Variants in MGA observed in about 807,000 individuals in gnomAD.
MGA encodes MAX gene-associated protein.
MGA carries 40 observed loss-of-function variants against 261.1 expected under a neutral mutation model. That is an observed-to-expected ratio of 0.15 (90% CI 0.12 to 0.20). The LOEUF (loss-of-function observed/expected upper bound fraction) is 0.20, where lower values mean the gene tolerates loss of function less well. Among genes scored for constraint, MGA ranks in the 10% least tolerant of loss-of-function variants. MGA has a pLI of 1.00. For missense variants in MGA, 3,397 were observed against 3,630.5 expected (o/e 0.94, Z 1.65); for synonymous variants, 1,302 against 1,290.6 (o/e 1.01, Z -0.19).
intron 1 of MGA, among the ~76,000 whole-genome samples, chr15:41,641,705 G>T (rs2056824029): frequency 6.6e-6 from 1 of 151,546 alleles, no homozygotes. Context: ...GGCCAGGATG[G>T]TCTCGATCTC....
At chr15:41,708,781 T>C (rs1011180516) in intron 7 of MGA, among the ~76,000 whole-genome samples, 2 of 152,204 alleles carry the variant, frequency 1.3e-5, no homozygotes, top group African/African-American at 4.8e-5. Context: ...ACAAAAAACA[T>C]TCTCAAGCAT....
At position 41,743,171 on chromosome 15, in the gene MGA, A is replaced by G; in HGVS notation, c.5211A>G (p.Pro1737=). The stretch of plus-strand genomic sequence containing the variant: ...GGAGTCCACCAGTGAGCCAGAGACC[A>G]GGTAAGGCCTAGATGTTACTAGCTG... Residue 1737 remains proline, a splice_region_variant and synonymous_variant, in exon 15 of 24, where the codon CCA becomes CCG. Coordinates refer to ENST00000219905, the MANE Select transcript of MGA (RefSeq NM_001164273.2). The G allele has an allele frequency of 1.2e-6, 2 of 1,605,880 alleles. No homozygotes were observed. Among genetic ancestry groups the G allele is most frequent in the Admixed American group, 1.7e-5 (1 of 58,604 alleles).
At chr15:41,645,152 C>T (rs1292358571) in intron 1 of MGA, among the ~76,000 whole-genome samples, 1 of 152,122 alleles carries the variant, frequency 6.6e-6, no homozygotes, top group African/African-American at 2.4e-5. Flanking sequence ...AAATGTTCAT[C>T]TGTTATTATT....
intron 2 of MGA, among the ~76,000 whole-genome samples, chr15:41,670,526 G>A (rs2057991972): frequency 6.6e-6 from 1 of 152,074 alleles, no homozygotes; most frequent in Non-Finnish European, 1.5e-5. Context: ...TTTTTTTTGA[G>A]ATGGAGTCTC....
chr15:41,699,293 T>G, intron 5 of MGA, 134 bp downstream of exon 5: 1 of 618,470 alleles, frequency 1.6e-6, no homozygotes, highest in South Asian at 2.4e-5. Context: ...TGATTTCATT[T>G]CTTTCAGCAC....
chr15:41,720,144 A>G (rs2060862382), intron 9 of MGA, among the ~76,000 whole-genome samples: 1 of 152,194 alleles, frequency 6.6e-6, no homozygotes, highest in Admixed American at 6.5e-5. Flanking sequence ...CAGTGGCAGA[A>G]TGGAAGGATT....
chr15:41,748,593 TA>T, intron 15 of MGA, 43 bp from the exon 16 acceptor site: 1 of 1,586,344 alleles, frequency 6.3e-7, no homozygotes, highest in South Asian at 1.1e-5. Flanking sequence ...CTACGTGTGT[TA>T]AAGGGGAATT....
At position 41,749,818 on chromosome 15, in the gene MGA, G is replaced by A. The variant is rs762248961; in HGVS notation, c.6211G>A (p.Ala2071Thr). Reference sequence around the variant, plus strand: ...TAAAGATGTTAATGAAGAATATGGGGCTAGGAATCGTAAGAGTTCCAAAGA... The same window carrying A: ...TAAAGATGTTAATGAAGAATATGGGACTAGGAATCGTAAGAGTTCCAAAGA... The change falls in exon 17 of 24, where the codon GCT becomes ACT. Residue 2071 changes from alanine (A) to threonine (T), a missense_variant. Coordinates refer to ENST00000219905, the MANE Select transcript of MGA (RefSeq NM_001164273.2). The A allele has an allele frequency of 3.3e-5, 54 of 1,613,812 alleles. 1 individual carries two copies. The South Asian group carries it at 5.7e-4, about 17-fold the overall frequency.
chr15:41,723,339 G>A (rs534500437), intron 9 of MGA, among the ~76,000 whole-genome samples: 249 of 152,288 alleles, frequency 1.6e-3, no homozygotes, highest in African/African-American at 5.8e-3. Flanking sequence ...TTTGTAGGGA[G>A]CCTGTTTTCA....
Position 41,741,931 on chromosome 15 carries a change from T to C in MGA, c.4586-615T>C, listed in dbSNP as rs556867791. 7.8e-4 allele frequency among the ~76,000 whole-genome samples: 118 copies of C among 151,602 alleles called. No homozygotes were observed. The South Asian group carries it at 0.012, about 15-fold the overall frequency. ...TTCACCGTGTTGGCCAGGCTGGTCT[T>C]GAACTCCTGACCTCGTGATCTGCCC... On this transcript the variant is annotated intron_variant, in intron 14 of 23. Transcript: ENST00000219905.
chr15:41,724,547 C>G (rs2061124677), intron 9 of MGA, among the ~76,000 whole-genome samples: 3 of 152,076 alleles, frequency 2.0e-5, no homozygotes, highest in Admixed American at 2.0e-4. Context: ...AAAAAATTAG[C>G]CAAGTGGTGT....
chr15:41,718,232 T>C (rs2060741911), intron 9 of MGA: 1 of 198,046 alleles, frequency 5.0e-6, no homozygotes, highest in African/African-American at 2.4e-5. Context: ...TCTCAAGATA[T>C]ATATCTATCT....
intron 1 of MGA, among the ~76,000 whole-genome samples, chr15:41,661,899 A>G (rs1280715017): frequency 6.6e-6 from 1 of 152,134 alleles, no homozygotes; most frequent in African/African-American, 2.4e-5. Context: ...CAGAGCGATC[A>G]TCGGGTTCCG....
chr15:41,622,709 A>C (rs2056335442), intron 1 of MGA, among the ~76,000 whole-genome samples: 1 of 152,094 alleles, frequency 6.6e-6, no homozygotes, highest in Admixed American at 6.6e-5. Context: ...CTTCGTTTCC[A>C]CTTGGTGGGC....
chr15:41,656,382 C>CTCTCTCTCTCTCTCTCTCTCTCTCT (rs2057194512), upstream of MGA, among the ~76,000 whole-genome samples: 1 of 90,494 alleles, frequency 1.1e-5, no homozygotes, highest in African/African-American at 3.3e-5. Context: ...CTCTCTCACA[C>CTCTCTCTCTCTCTCTCTCTCTCTCT]CCAGGCTGGA....
At chr15:41,635,241 C>T (rs1399396929) in intron 1 of MGA, among the ~76,000 whole-genome samples, 2 of 151,876 alleles carry the variant, frequency 1.3e-5, no homozygotes, top group Non-Finnish European at 2.9e-5. Flanking sequence ...GGCTGAGGCA[C>T]GAGAATTGCC....
intron 22 of MGA, among the ~76,000 whole-genome samples, chr15:41,764,666 T>C (rs1187548862): frequency 6.6e-6 from 1 of 152,128 alleles, no homozygotes; most frequent in African/African-American, 2.4e-5. Context: ...TCCTAGTAGC[T>C]GGGACCACAG....
At chr15:41,688,241 A>G (rs991976441) in intron 2 of MGA, among the ~76,000 whole-genome samples, 5 of 151,860 alleles carry the variant, frequency 3.3e-5, no homozygotes, top group Non-Finnish European at 5.9e-5. Flanking sequence ...ATGCCAACCT[A>G]ATTTTTTGTA....
In MGA at chr15:41,769,348, T is replaced by C. The variant is rs2063946924; in HGVS notation, c.*2068T>C. 1 of 151,418 alleles carries C rather than the reference T, an allele frequency of 6.6e-6. No individual in the cohort carries two copies. Among genetic ancestry groups the C allele is most frequent in the South Asian group, 2.1e-4 (1 of 4,742 alleles). 9.4% of individuals were successfully genotyped at this position (151,418 alleles called of 1,614,324 possible). Reference sequence around the variant, plus strand: ...AAGAATATAGGTAAACAGGTAATGATTCTTGATTGGAGATACCATTTGACT... The same window carrying C: ...AAGAATATAGGTAAACAGGTAATGACTCTTGATTGGAGATACCATTTGACT... On this transcript the variant is annotated 3_prime_UTR_variant, in exon 24 of 24. Transcript: ENST00000219905.
Sources: allele counts gnomAD v4.1 joint callset (sites outside exome capture counted in the v4.1 genomes callset), GRCh38; gene constraint gnomAD v4.1.1; transcripts MANE v1.5; gene names NCBI Gene and HGNC (gene_info 2026-07-23, HGNC 2026-07-21).